The following ARHGAP32 variants were observed in gnomAD, a reference collection of about 807,000 sequenced individuals.
ARHGAP32 encodes rho GTPase-activating protein 32.
Under a neutral mutation model 186.5 loss-of-function variants are expected in ARHGAP32, and 51 were observed. The ratio of observed to expected loss-of-function variants is 0.27; its 90% confidence interval spans 0.22 to 0.35. The LOEUF is 0.35. Ranked by LOEUF, ARHGAP32 falls within the 10% of genes least tolerant of loss-of-function variation. The pLI, the probability that ARHGAP32 is intolerant of heterozygous loss-of-function variation, is 1.00. For missense variants in ARHGAP32, 2,186 were observed against 2,623.5 expected (o/e 0.83, Z 3.64); for synonymous variants, 950 against 964.3 (o/e 0.99, Z 0.27).
At chr11:129,189,884 T>C (rs1373757021) in intron 1 of ARHGAP32, among the ~76,000 whole-genome samples, 2 of 152,356 alleles carry the variant, frequency 1.3e-5, no homozygotes, top group African/African-American at 2.4e-5. Flanking sequence ...AGGTGTGGTA[T>C]GACTTTACTC....
rs576588735 is a variant in ARHGAP32, at chr11:128,995,378, G to C, written c.1195+2941C>G. 3.9e-3 allele frequency among the ~76,000 whole-genome samples: 593 copies of C among 152,102 alleles called. 2 individuals are homozygous for C. Among genetic ancestry groups the C allele is most frequent in the African/African-American group, 0.014 (567 of 41,500 alleles). On this transcript the variant is annotated intron_variant, in intron 12 of 22. Transcript: ENST00000682385. ...TGTGCCACCATGCCCAGCTCGTTTT[G>C]TATTTTTTTCTGTATAAATGGGGTT...
At position 128,970,471 on chromosome 11, in the gene ARHGAP32, T is replaced by C. The variant is rs1464157427; in HGVS notation, c.4742A>G (p.Asn1581Ser). The change falls in exon 23 of 23, where the codon AAT becomes AGT. Residue 1581 changes from asparagine to serine, a missense_variant. Around this residue, in one of 5 missense-constraint regions of ARHGAP32, gnomAD observed 1,502 missense variants for 1,570.0 expected, o/e 0.96. Transcript: ENST00000682385. This position sits in a 1 kb window ranked among gnomAD's most constrained non-coding sequence, Gnocchi z 5.8. ...YVSSLSSSVR[N>S]TCYPEDIPPY... is the part of the protein sequence containing the mutation. ...TGGAATGTCTTCGGGGTAACAGGTA[T>C]TCCTGACAGAGGAGCTCAAAGAAGA... is the stretch of plus-strand genomic sequence containing the variant. 7 of 1,614,150 alleles carry C rather than the reference T, an allele frequency of 4.3e-6. No homozygotes were observed. Among genetic ancestry groups the C allele is most frequent in the Non-Finnish European group, 5.9e-6 (7 of 1,180,030 alleles).
chr11:129,245,082 A>T (rs1177762706), intron 1 of ARHGAP32, among the ~76,000 whole-genome samples: 2 of 151,448 alleles, frequency 1.3e-5, no homozygotes, highest in Non-Finnish European at 3.0e-5. Context: ...CATTTGACCC[A>T]GCCATCCCAT....
intron 20 of ARHGAP32, 143 bp downstream of exon 20, chr11:128,976,420 A>G: frequency 1.6e-6 from 1 of 631,384 alleles, no homozygotes. Flanking sequence ...TTTAATCTGA[A>G]TAATACTAAA....
At chr11:129,195,154 A>C (rs1944376423), upstream of ARHGAP32, among the ~76,000 whole-genome samples, 3 of 151,796 alleles carry the variant, frequency 2.0e-5, no homozygotes, top group Non-Finnish European at 4.4e-5. Context: ...TTGTTGTTGT[A>C]TTTTTAGTAG....
At chr11:129,216,169 C>G (rs1944641847) in intron 1 of ARHGAP32, among the ~76,000 whole-genome samples, 2 of 152,048 alleles carry the variant, frequency 1.3e-5, no homozygotes, top group South Asian at 4.2e-4. Context: ...TTATAGCCGC[C>G]AAGTCTGTGG....
chr11:129,041,596 G>C (rs928526700), intron 10 of ARHGAP32, among the ~76,000 whole-genome samples: 1 of 151,920 alleles, frequency 6.6e-6, no homozygotes, highest in Non-Finnish European at 1.5e-5. Context: ...GCATGGAAAA[G>C]AGGGAAAGTA....
chr11:129,244,746 T>G (rs1346614712), intron 1 of ARHGAP32, among the ~76,000 whole-genome samples: 555 of 147,418 alleles, frequency 3.8e-3, no homozygotes, highest in South Asian at 0.034. Context: ...CAAACAAATT[T>G]ACAAGAAAAA....
chr11:129,164,077 T>C (rs1943584707), intron 2 of ARHGAP32, among the ~76,000 whole-genome samples: 1 of 152,126 alleles, frequency 6.6e-6, no homozygotes, highest in Admixed American at 6.6e-5. Context: ...CATCTGTGAC[T>C]ACCCTATATA....
intron 7 of ARHGAP32, among the ~76,000 whole-genome samples, chr11:129,065,372 G>T (rs73017238): frequency 6.6e-6 from 1 of 152,068 alleles, no homozygotes; most frequent in African/African-American, 2.4e-5. Flanking sequence ...TGGTTCAGCC[G>T]ATTGGTCCAG....
chr11:129,193,575 T>TTATATATTATATATAATATATA (rs1944320753), upstream of ARHGAP32, among the ~76,000 whole-genome samples: 1 of 54,036 alleles, frequency 1.9e-5, no homozygotes, highest in Non-Finnish European at 3.3e-5. Flanking sequence ...ATATAATATA[T>TTATATATTATATATAATATATA]ATATATTATA....
chr11:129,178,528 C>T (rs1171928975), intron 1 of ARHGAP32, among the ~76,000 whole-genome samples: 1 of 152,144 alleles, frequency 6.6e-6, no homozygotes, highest in Non-Finnish European at 1.5e-5. Flanking sequence ...CATCACACTA[C>T]CTGACTTCAA....
chr11:129,236,808 G>A (rs1201446659), intron 1 of ARHGAP32, among the ~76,000 whole-genome samples: 2 of 152,114 alleles, frequency 1.3e-5, no homozygotes, highest in African/African-American at 4.8e-5. Context: ...GGTGAAAGTA[G>A]GCATCCCTGT....
intron 1 of ARHGAP32, among the ~76,000 whole-genome samples, chr11:129,239,618 G>C (rs1944988047): frequency 6.6e-6 from 1 of 152,094 alleles, no homozygotes; most frequent in Admixed American, 6.6e-5. Flanking sequence ...CCATAAAAGA[G>C]CGTCCGAATT....
At chr11:129,176,737 A>T (rs1943924324) in intron 1 of ARHGAP32, among the ~76,000 whole-genome samples, 1 of 150,218 alleles carries the variant, frequency 6.7e-6, no homozygotes, top group African/African-American at 2.4e-5. Flanking sequence ...TTTGAAACCA[A>T]CGAGAACAAA....
chr11:128,975,939 ATGG>A (rs1446600305), intron 20 of ARHGAP32, among the ~76,000 whole-genome samples: 3 of 152,030 alleles, frequency 2.0e-5, no homozygotes, highest in Admixed American at 6.6e-5. Context: ...GCTCCCGGGC[ATGG>A]TGGCGCATGC....
chr11:128,993,440 G>A (rs1946117635), intron 12 of ARHGAP32: 1 of 151,668 alleles, frequency 6.6e-6, no homozygotes, highest in Non-Finnish European at 1.5e-5. Flanking sequence ...TAAACTTTGA[G>A]AAAGAACAAT....
Position 128,974,245 on chromosome 11 carries a change from A to G in ARHGAP32, c.2952T>C (p.Tyr984=). Residue 984 remains tyrosine (Y), a synonymous_variant, in exon 21 of 23, where the codon TAT becomes TAC. Transcript: ENST00000682385. ...KTNETVAQEA[Y]ESEVQPLDQV... ...GGTCCAGGGGCTGGACTTCAGATTC[A>G]TATGCTTCTTGGGCAACTGTCTCAT... 1 of 1,614,148 alleles carries G rather than the reference A, an allele frequency of 6.2e-7. No homozygotes were observed. The highest frequency in any genetic ancestry group is 8.5e-7 in the Non-Finnish European group (1 of 1,180,026).
chr11:129,132,053 T>C (rs995759262), intron 2 of ARHGAP32, among the ~76,000 whole-genome samples: 6 of 152,218 alleles, frequency 3.9e-5, no homozygotes, highest in African/African-American at 1.4e-4. Context: ...GTGTTAAGCC[T>C]AGCATGCATG....
Sources: allele counts gnomAD v4.1 joint callset (sites outside exome capture counted in the v4.1 genomes callset), GRCh38; gene constraint gnomAD v4.1.1; regional missense constraint gnomAD v4.1.1; non-coding constraint Gnocchi (gnomAD v3.1); transcripts MANE v1.5; gene names NCBI Gene and HGNC (gene_info 2026-07-23, HGNC 2026-07-21).